XYLT1: variants seen among roughly 807,000 people sequenced by gnomAD.
XYLT1 encodes xylosyltransferase 1.
Under a neutral mutation model 91.3 loss-of-function variants are expected in XYLT1, and 36 were observed. The observed-to-expected ratio is 0.39, with a 90% CI of 0.30 to 0.52. The LOEUF (loss-of-function observed/expected upper bound fraction) is 0.52, where lower values mean the gene tolerates loss of function less well. Among genes scored for constraint, XYLT1 ranks in the 20% least tolerant of loss-of-function variants. The pLI is 0.68. For synonymous variants in XYLT1, 588 were observed against 532.0 expected (o/e 1.11, Z -1.45); for missense variants, 1,242 against 1,284.5 (o/e 0.97, Z 0.51).
chr16:17,177,705 G>C lies in XYLT1; in HGVS notation c.1290-18796C>G, dbSNP rs185239044. 2.2e-3 allele frequency among the ~76,000 whole-genome samples: 333 copies of C among 152,304 alleles called. 1 individual carries two copies. Among genetic ancestry groups the C allele is most frequent in the African/African-American group, 7.8e-3 (323 of 41,582 alleles). On this transcript the variant is annotated intron_variant, in intron 5 of 11. Transcript: ENST00000261381. ...TGAATTAACATTGCAACCTGAGACA[G>C]ACTTCCAAGATAAATTACAGGAGGG...
At chr16:17,215,652 T>C (rs1456793181) in intron 3 of XYLT1, among the ~76,000 whole-genome samples, 1 of 152,188 alleles carries the variant, frequency 6.6e-6, no homozygotes, top group Non-Finnish European at 1.5e-5. Flanking sequence ...AGGCCAGGGA[T>C]GTGCCCCTTA....
In XYLT1 at chr16:17,197,009, T is replaced by TC. The variant is rs1262459406; in HGVS notation, c.1289+1202dup. On this transcript the variant is annotated intron_variant, in intron 5 of 11. Coordinates refer to ENST00000261381, the MANE Select transcript of XYLT1 (RefSeq NM_022166.4). The stretch of plus-strand genomic sequence containing the variant: ...CTGGGTGACAGAGCGAGACTCTGTC[T>TC]CCAAAATATATATATATATATAGAT... Among the ~76,000 whole-genome samples, 814 of 98,338 alleles carry TC rather than the reference T, an allele frequency of 8.3e-3. 19 individuals carry two copies. The highest frequency in any genetic ancestry group is 0.042 in the African/African-American group (774 of 18,610). 64.5% of individuals were successfully genotyped at this position (98,338 alleles called of 152,430 possible). A position where few individuals can be genotyped will look rare whatever the true frequency, so the allele number is the denominator to read the frequency against.
At chr16:17,194,053 C>T (rs376573935) in intron 5 of XYLT1, 7 of 152,248 alleles carry the variant, frequency 4.6e-5, no homozygotes, top group African/African-American at 1.7e-4. Context: ...TTTTCTGAAC[C>T]CCAAAATAGG....
chr16:17,364,547 C>A (rs760212041), intron 1 of XYLT1, among the ~76,000 whole-genome samples: 13 of 152,214 alleles, frequency 8.5e-5, no homozygotes, highest in Non-Finnish European at 1.9e-4. Flanking sequence ...TACTAAACCA[C>A]AAGTCTTCTG....
At chr16:17,206,052 G>A (rs1597191041) in intron 3 of XYLT1, among the ~76,000 whole-genome samples, 2 of 152,056 alleles carry the variant, frequency 1.3e-5, no homozygotes, top group East Asian at 3.9e-4. Flanking sequence ...TCAGAGCTGG[G>A]GTGTAGAATG....
intron 2 of XYLT1, among the ~76,000 whole-genome samples, chr16:17,305,811 A>G (rs1166540487): frequency 6.6e-6 from 1 of 152,198 alleles, no homozygotes; most frequent in East Asian, 1.9e-4. Context: ...TTATTTCCAC[A>G]TGAAAAGAGC....
intron 3 of XYLT1, among the ~76,000 whole-genome samples, chr16:17,246,972 G>A (rs190283876): frequency 5.4e-4 from 83 of 152,326 alleles, no homozygotes; most frequent in African/African-American, 1.9e-3. Flanking sequence ...TTGGAGAGGT[G>A]CAGTGTGGGG....
chr16:17,207,275 G>C (rs770475344), intron 3 of XYLT1, among the ~76,000 whole-genome samples: 2 of 152,014 alleles, frequency 1.3e-5, no homozygotes, highest in Non-Finnish European at 2.9e-5. Flanking sequence ...GGCTGGGTTG[G>C]TCTCGAACTC....
chr16:17,241,626 G>C (rs1412413965), intron 3 of XYLT1, among the ~76,000 whole-genome samples: 1 of 152,208 alleles, frequency 6.6e-6, no homozygotes, highest in Non-Finnish European at 1.5e-5. Flanking sequence ...AATGAGGAGA[G>C]GGAGGACAAG....
intron 10 of XYLT1, among the ~76,000 whole-genome samples, chr16:17,123,291 G>A (rs1371889433): frequency 6.6e-6 from 1 of 152,058 alleles, no homozygotes; most frequent in African/African-American, 2.4e-5. Context: ...CCTCTCCTTG[G>A]TGGGTTTGGG....
intron 2 of XYLT1, among the ~76,000 whole-genome samples, chr16:17,308,234 G>T (rs60301325): frequency 0.048 from 7,245 of 152,302 alleles, 595 homozygotes; most frequent in African/African-American, 0.17. Context: ...TCTGTTGGGT[G>T]AGAGACCAGG....
intron 6 of XYLT1, among the ~76,000 whole-genome samples, chr16:17,155,390 A>G: frequency 6.6e-6 from 1 of 152,228 alleles, no homozygotes; most frequent in East Asian, 1.9e-4. Context: ...TGATTTAGCC[A>G]TACCTGAAGT....
chr16:17,310,690 A>G (rs1304456155), intron 2 of XYLT1, among the ~76,000 whole-genome samples: 1 of 152,110 alleles, frequency 6.6e-6, no homozygotes, highest in Non-Finnish European at 1.5e-5. Context: ...CTCTACTAAA[A>G]ATACAAAAAT....
At chr16:17,160,409 C>T (rs1270467733) in intron 5 of XYLT1, among the ~76,000 whole-genome samples, 1 of 152,198 alleles carries the variant, frequency 6.6e-6, no homozygotes, top group Non-Finnish European at 1.5e-5. Flanking sequence ...CTCGCCACTC[C>T]AAGCCCCTGT....
At chr16:17,222,411 T>C (rs2032985470) in intron 3 of XYLT1, among the ~76,000 whole-genome samples, 1 of 152,310 alleles carries the variant, frequency 6.6e-6, no homozygotes, top group East Asian at 1.9e-4. Flanking sequence ...GAAGGGATTA[T>C]CTGGTTCAAA....
At chr16:17,303,280 A>G (rs1192576196) in intron 2 of XYLT1, among the ~76,000 whole-genome samples, 7 of 152,224 alleles carry the variant, frequency 4.6e-5, no homozygotes, top group African/African-American at 1.4e-4. Flanking sequence ...CCAAAGTTTT[A>G]TTGGTACACA....
chr16:17,221,165 T>G (rs1484568351), intron 3 of XYLT1, among the ~76,000 whole-genome samples: 1 of 152,124 alleles, frequency 6.6e-6, no homozygotes, highest in African/African-American at 2.4e-5. Context: ...CATCACTCCT[T>G]TTCAATATTC....
chr16:17,242,139 T>C (rs2033354360), intron 3 of XYLT1, among the ~76,000 whole-genome samples: 1 of 152,208 alleles, frequency 6.6e-6, no homozygotes, highest in Non-Finnish European at 1.5e-5. Flanking sequence ...CACATGGGAA[T>C]TGTGGGAGTA....
At chr16:17,455,934 A>T (rs2036735739) in intron 1 of XYLT1, among the ~76,000 whole-genome samples, 1 of 152,232 alleles carries the variant, frequency 6.6e-6, no homozygotes, top group African/African-American at 2.4e-5. Flanking sequence ...TACGCAATTA[A>T]TTATTTTTTC....
Sources: gnomAD v4.1 joint callset for allele counts (sites outside exome capture counted in the v4.1 genomes callset) on GRCh38, gnomAD v4.1.1 for gene constraint, MANE v1.5 for transcripts, NCBI Gene and HGNC (gene_info 2026-07-23, HGNC 2026-07-21) for gene names.